Variants in RNF31 observed in about 807,000 individuals in gnomAD.
RNF31 encodes the protein E3 ubiquitin-protein ligase RNF31.
In RNF31, 38 loss-of-function variants were observed where a neutral mutation model predicts 133.6. The observed-to-expected ratio is 0.28, with a 90% confidence interval of 0.22 to 0.37. The LOEUF (loss-of-function observed/expected upper bound fraction) is 0.37, where lower values mean the gene tolerates loss of function less well. Among genes scored for constraint, RNF31 ranks in the 10% least tolerant of loss-of-function variants. The probability of loss-of-function intolerance (pLI) is 1.00; values close to 1 mark genes in which losing one functional copy is unlikely to be tolerated. For missense variants in RNF31, 1,118 were observed against 1,394.1 expected, an observed-to-expected ratio of 0.80 and a Z score of 3.15; for synonymous variants, 582 against 552.3, an observed-to-expected ratio of 1.05 and a Z score of -0.75.
rs754643737 is a variant in RNF31 at position 24,147,735 on chromosome 14, G to T, written c.37G>T (p.Ala13Ser). The T allele has an allele frequency of 6.4e-7, 1 of 1,552,594 alleles. No individual in the cohort carries two copies. Among genetic ancestry groups the T allele is most frequent in the Middle Eastern group, 2.1e-4 (1 of 4,666 alleles). ...GEEEERAFLV[A>S]REELASALRR... ...GGAAGAGGAGCGGGCCTTCCTGGTG[G>T]CCCGCGAGGAGCTGGCGAGCGCCCT... is the stretch of plus-strand genomic sequence containing the variant. The change falls in exon 1 of 21, where the codon GCC becomes TCC. Residue 13 changes from alanine (A) to serine (S), a missense_variant. Physicochemically the swap from Ala to Ser is moderately conservative, Grantham distance 99. Around this residue, in one of 3 missense-constraint regions of RNF31, gnomAD observed 747 missense variants for 827.9 expected, o/e 0.90. Coordinates refer to ENST00000324103, the MANE Select transcript of RNF31 (RefSeq NM_017999.5).
intron 5 of RNF31, 44 bp from the exon 6 acceptor site, chr14:24,149,362 C>T: frequency 6.3e-7 from 1 of 1,584,066 alleles, no homozygotes; most frequent in Non-Finnish European, 8.6e-7. Flanking sequence ...TCAGATGTAG[C>T]CTGGTCTTTT....
Position 24,151,639 on chromosome 14 carries a change from C to T in RNF31, c.1892C>T (p.Pro631Leu). ...RQRLWDSGPE[P>L]TPSWDGPDKQ... ...CGCCTCTGGGACAGTGGCCCTGAGC[C>T]CACCCCTTCCTGGGATGGGCCAGAC... Residue 631 changes from proline (P) to leucine (L), a missense_variant, in exon 10 of 21, where the codon CCC (proline) becomes CTC (leucine). Pro to Leu is a moderately conservative substitution (Grantham distance 98). Coordinates refer to ENST00000324103, the MANE Select transcript of RNF31 (RefSeq NM_017999.5). The surrounding 1 kb of genome is among the most constrained non-coding windows in gnomAD (Gnocchi z 5.3). 1 of 1,612,424 alleles carries T rather than the reference C, an allele frequency of 6.2e-7. No individual in the cohort carries two copies. Among genetic ancestry groups the T allele is most frequent in the Non-Finnish European group, 8.5e-7 (1 of 1,180,006 alleles).
rs1392765214 is a variant in RNF31 at position 24,150,217 on chromosome 14, C to G, written c.966C>G (p.Ala322=). Residue 322 remains alanine (A), a synonymous_variant, in exon 7 of 21, where the codon GCC becomes GCG. Coordinates refer to ENST00000324103, the MANE Select transcript of RNF31 (RefSeq NM_017999.5). ...AGCCTTGGGCAGTGCTCTGTGTGGC[C>G]TGTGATCGGCCCCGAGGCTGTAAGG... The part of the protein sequence containing the change: ...LNEPWAVLCV[A]CDRPRGCKGL... The G allele has an allele frequency of 6.2e-7, 1 of 1,614,082 alleles. No homozygotes were observed. Among genetic ancestry groups the G allele is most frequent in the Non-Finnish European group, 8.5e-7 (1 of 1,180,030 alleles).
In RNF31 at chr14:24,147,706, G is replaced by A. The variant is rs1358206456; in HGVS notation, c.8G>A (p.Gly3Glu). 2.6e-6 allele frequency: 4 copies of A among 1,518,578 alleles called. No individual in the cohort carries two copies. The highest frequency in any genetic ancestry group is 1.2e-5 in the South Asian group (1 of 81,688). 94.1% of individuals were successfully genotyped at this position (1,518,578 alleles called of 1,614,324 possible). ...GCTGACTCCTGCCTCAGGATGCCGGGGGAGGAAGAGGAGCGGGCCTTCCTG... is the reference window on the plus strand; with the variant it reads ...GCTGACTCCTGCCTCAGGATGCCGGAGGAGGAAGAGGAGCGGGCCTTCCTG... MP[G>E]EEEERAFLVA... Residue 3 changes from glycine (G) to glutamate (E), a missense_variant, in exon 1 of 21, where the codon GGG becomes GAG. Around this residue, in one of 3 missense-constraint regions of RNF31, gnomAD observed 747 missense variants for 827.9 expected, o/e 0.90. Transcript: ENST00000324103.
chr14:24,160,605 G>A lies in RNF31; in HGVS notation c.*32G>A. 1 of 1,492,886 alleles carries A rather than the reference G, an allele frequency of 6.7e-7. No individual in the cohort carries two copies. The highest frequency in any genetic ancestry group is 8.9e-7 in the Non-Finnish European group (1 of 1,117,890). The allele number at this position is 1,492,886 out of a possible 1,614,324, so 92.5% of individuals were successfully genotyped here. ...GCAAGGGTCCCGATGAGGGTCCCAT[G>A]GCCTGCTCCCTCAGGAACAGCTCCA... is the stretch of plus-strand genomic sequence containing the variant. On this transcript the variant is annotated 3_prime_UTR_variant, in exon 21 of 21. Coordinates refer to ENST00000324103, the MANE Select transcript of RNF31 (RefSeq NM_017999.5). The surrounding 1 kb of genome is among the most constrained non-coding windows in gnomAD (Gnocchi z 4.0).
chr14:24,154,178 A>G lies in RNF31; in HGVS notation c.2131-979A>G, dbSNP rs188684085. Among the ~76,000 whole-genome samples the G allele has an allele frequency of 3.9e-3, 585 of 150,718 alleles. 14 individuals are homozygous for G. The East Asian group carries it at 0.06, about 15-fold the overall frequency. On this transcript the variant is annotated intron_variant, in intron 11 of 20. Coordinates refer to ENST00000324103, the MANE Select transcript of RNF31 (RefSeq NM_017999.5). ...CCCGGCTAATTTTTTTTTTTTTGAG[A>G]CAGAGTTTTGCTCTTGTTGCCCAGC...
At chr14:24,152,413 A>ATTTG (rs2038280260) in intron 11 of RNF31, among the ~76,000 whole-genome samples, 1 of 149,782 alleles carries the variant, frequency 6.7e-6, no homozygotes, top group South Asian at 2.1e-4. Context: ...GTAAAACTTT[A>ATTTG]TTTATTTATT....
intron 1 of RNF31, 34 bp downstream of exon 1, chr14:24,147,924 A>G (rs1307085444): frequency 1.2e-6 from 2 of 1,613,070 alleles, no homozygotes; most frequent in Non-Finnish European, 1.7e-6. Context: ...GGGGGACACC[A>G]GGGCCTGAGG....
At position 24,159,858 on chromosome 14, in the gene RNF31, C is replaced by G; in HGVS notation, c.2900-6C>G. ...AACAGAGGCTCCCTTCTTCCCTCAC[C>G]TTTAGGCGGCTGCCGAGTGATAGAG... On this transcript the variant is annotated splice_region_variant and splice_polypyrimidine_tract_variant and intron_variant, in intron 18 of 20. Coordinates refer to ENST00000324103, the MANE Select transcript of RNF31 (RefSeq NM_017999.5). 6.2e-7 allele frequency: 1 copy of G among 1,613,416 alleles called. No homozygotes were observed. The highest frequency in any genetic ancestry group is 1.1e-5 in the South Asian group (1 of 91,030).
chr14:24,153,361 G>A (rs1348204102), intron 11 of RNF31, among the ~76,000 whole-genome samples: 4 of 151,736 alleles, frequency 2.6e-5, no homozygotes, highest in African/African-American at 4.8e-5. Context: ...GGTGGATCAC[G>A]AGGTCAAGAG....
chr14:24,152,378 A>G (rs531938883), intron 11 of RNF31, among the ~76,000 whole-genome samples: 40 of 152,084 alleles, frequency 2.6e-4, no homozygotes, highest in African/African-American at 9.2e-4. Flanking sequence ...TAGTTTATAA[A>G]TGTTTCCGTA....
Position 24,148,659 on chromosome 14 carries a change from G to A in RNF31, c.513G>A (p.Gln171=), listed in dbSNP as rs1178096096. The A allele has an allele frequency of 6.8e-6, 11 of 1,614,206 alleles. No homozygotes were observed. In the South Asian group the frequency reaches 9.9e-5, roughly 14 times the overall value. The change falls in exon 4 of 21, where the codon CAG becomes CAA. Residue 171 remains glutamine, a synonymous_variant. Transcript: ENST00000324103. ...SLLLQNTHPR[Q]QALEQLLEDK... ...TATTGCAGAATACTCATCCAAGACA[G>A]CAGGCACTGGAGCAGCTGTTGGAAG...
At chr14:24,159,679 T>A (rs2038415164) in intron 18 of RNF31, 185 bp from the exon 19 acceptor site, 1 of 484,900 alleles carries the variant, frequency 2.1e-6, no homozygotes, top group Non-Finnish European at 3.8e-6. Context: ...GGTCCCTGCC[T>A]CTGTATCAGA....
intron 5 of RNF31, 103 bp from the exon 6 acceptor site, chr14:24,149,303 C>T (rs978481051): frequency 1.0e-5 from 12 of 1,198,524 alleles, no homozygotes; most frequent in Non-Finnish European, 1.3e-5. Flanking sequence ...TTCCTTGGGT[C>T]CAGATGTTTA....
intron 16 of RNF31, 61 bp downstream of exon 16, chr14:24,157,699 CAG>C: frequency 6.9e-7 from 1 of 1,449,378 alleles, no homozygotes; most frequent in South Asian, 1.1e-5. Flanking sequence ...CTTTGAGAGT[CAG>C]AGGCTATTGA....
Position 24,147,612 on chromosome 14 carries a change from C to A in RNF31, c.-87C>A, listed in dbSNP as rs981812865. The A allele has an allele frequency of 2.4e-4, 303 of 1,251,050 alleles. No individual in the cohort carries two copies. The highest frequency in any genetic ancestry group is 3.0e-4 in the Non-Finnish European group (289 of 968,500). 77.5% of individuals were successfully genotyped at this position (1,251,050 alleles called of 1,614,324 possible). A position where few individuals can be genotyped will look rare whatever the true frequency, so the allele number is the denominator to read the frequency against. On this transcript the variant is annotated 5_prime_UTR_variant, in exon 1 of 21. Coordinates refer to ENST00000324103, the MANE Select transcript of RNF31 (RefSeq NM_017999.5). Reference sequence around the variant, plus strand: ...CCGGGGTGGGCCTCAAAGCCGGGCACCAGACGGGAGGGGCGGCGCTCGGGC... The same window carrying A: ...CCGGGGTGGGCCTCAAAGCCGGGCAACAGACGGGAGGGGCGGCGCTCGGGC...
At chr14:24,152,109 T>A in intron 11 of RNF31, 117 bp downstream of exon 11, 1 of 986,162 alleles carries the variant, frequency 1.0e-6, no homozygotes, top group Non-Finnish European at 1.5e-6. Context: ...CATATACCCC[T>A]GAAGGCTCCT....
rs2038333651 is a variant in RNF31 at position 24,155,789 on chromosome 14, A to G, written c.2493+97A>G. 2.0e-6 allele frequency: 2 copies of G among 1,021,114 alleles called. No homozygotes were observed. The highest frequency in any genetic ancestry group is 3.0e-6 in the Non-Finnish European group (2 of 657,998). 63.3% of individuals were successfully genotyped at this position (1,021,114 alleles called of 1,614,324 possible). On this transcript the variant is annotated intron_variant, in intron 14 of 20. Coordinates refer to ENST00000324103, the MANE Select transcript of RNF31 (RefSeq NM_017999.5). This position sits in a 1 kb window ranked among gnomAD's most constrained non-coding sequence, Gnocchi z 4.9. ...TTGTGTACTGGAGAGCAAAACAGAC[A>G]TGAGCTCTGAGGTCAAAAGAGCTTA...
Position 24,155,025 on chromosome 14 carries a change from C to A in RNF31, c.2131-132C>A. 1 of 807,038 alleles carries A rather than the reference C, an allele frequency of 1.2e-6. No homozygotes were observed. The highest frequency in any genetic ancestry group is 2.0e-6 in the Non-Finnish European group (1 of 512,492). 50.0% of individuals were successfully genotyped at this position (807,038 alleles called of 1,614,324 possible). On this transcript the variant is annotated intron_variant, in intron 11 of 20. Transcript: ENST00000324103. This position sits in a 1 kb window ranked among gnomAD's most constrained non-coding sequence, Gnocchi z 4.9. ...ACGTTGCCTGCCTGGCCCCTGCTGG[C>A]ACTTGAGGTTGTTAACCCTGCCCAG...
Sources: allele counts gnomAD v4.1 joint callset (sites outside exome capture counted in the v4.1 genomes callset), GRCh38; gene constraint gnomAD v4.1.1; regional missense constraint gnomAD v4.1.1; non-coding constraint Gnocchi (gnomAD v3.1); transcripts MANE v1.5; gene names NCBI Gene and HGNC (gene_info 2026-07-23, HGNC 2026-07-21).